The following FGF12 variants were observed in gnomAD, a reference collection of about 807,000 sequenced individuals.
The protein encoded by FGF12 is fibroblast growth factor 12, also known as fibroblast growth factor 12B.
A neutral mutation model predicts 23.6 loss-of-function variants in FGF12; 14 were observed. The ratio of observed to expected loss-of-function variants is 0.59; its 90% CI spans 0.39 to 0.93. The LOEUF (loss-of-function observed/expected upper bound fraction) is 0.93. FGF12 is among the 40% of genes least tolerant of loss of function. The probability of loss-of-function intolerance (pLI) is 0.00; values close to 1 mark genes in which losing one functional copy is unlikely to be tolerated. For missense variants in FGF12, 175 were observed against 217.8 expected (o/e 0.80, Z 1.24); for synonymous variants, 62 against 77.3 (o/e 0.80, Z 1.04).
intron 4 of FGF12, among the ~76,000 whole-genome samples, chr3:192,196,216 C>G (rs533001561): frequency 2.6e-5 from 4 of 152,164 alleles, no homozygotes; most frequent in African/African-American, 9.6e-5. Flanking sequence ...GCACTATTCA[C>G]AATAAACAAG....
chr3:192,294,911 T>C (rs191942161), intron 4 of FGF12, among the ~76,000 whole-genome samples: 3 of 152,294 alleles, frequency 2.0e-5, no homozygotes, highest in Admixed American at 2.0e-4. Context: ...AGAGGTTTGG[T>C]TTCTTGAAAC....
chr3:192,691,988 A>G (rs1380112894), intron 2 of FGF12, among the ~76,000 whole-genome samples: 1 of 152,192 alleles, frequency 6.6e-6, no homozygotes, highest in African/African-American at 2.4e-5. Context: ...TCATGAACAT[A>G]CAAATAACAC....
intron 3 of FGF12, among the ~76,000 whole-genome samples, chr3:192,359,612 T>C (rs1230977177): frequency 6.6e-6 from 1 of 152,198 alleles, no homozygotes; most frequent in Non-Finnish European, 1.5e-5. Context: ...TTGAAAGATA[T>C]GACAGCTATC....
chr3:192,315,686 G>A (rs539307159), intron 4 of FGF12, among the ~76,000 whole-genome samples: 24 of 152,212 alleles, frequency 1.6e-4, no homozygotes, highest in Middle Eastern at 3.4e-3. Flanking sequence ...TTTACATTTT[G>A]CAGACTGGGG....
chr3:192,649,864 T>C (rs1716151556), intron 2 of FGF12, among the ~76,000 whole-genome samples: 1 of 152,182 alleles, frequency 6.6e-6, no homozygotes, highest in Non-Finnish European at 1.5e-5. Context: ...TTTTAACATT[T>C]TAACTTATGA....
chr3:192,605,779 C>G lies in FGF12; in HGVS notation c.13+121402G>C, dbSNP rs1294646711. Among the ~76,000 whole-genome samples the G allele has an allele frequency of 2.0e-5, 3 of 152,164 alleles. No individual in the cohort carries two copies. In the East Asian group the frequency reaches 5.8e-4, roughly 29 times the overall value. ...CAAACATGAAAAAAATGTTCAACAT[C>G]ACTAATTATCAGAGAAATGAAAATC... On this transcript the variant is annotated intron_variant, in intron 2 of 5. Coordinates refer to ENST00000445105, the MANE Select transcript of FGF12 (RefSeq NM_004113.6).
At chr3:192,207,929 G>A (rs1221372854) in intron 4 of FGF12, among the ~76,000 whole-genome samples, 1 of 152,172 alleles carries the variant, frequency 6.6e-6, no homozygotes, top group Non-Finnish European at 1.5e-5. Flanking sequence ...AAGCTAAGCA[G>A]AGGAAAATCC....
At chr3:192,612,198 A>G (rs1428000590) in intron 2 of FGF12, among the ~76,000 whole-genome samples, 1 of 152,028 alleles carries the variant, frequency 6.6e-6, no homozygotes, top group East Asian at 1.9e-4. Context: ...TAGTGACTGG[A>G]TGAAGTATCC....
intron 2 of FGF12, among the ~76,000 whole-genome samples, chr3:192,579,397 A>G (rs1420545368): frequency 6.6e-6 from 1 of 152,194 alleles, no homozygotes; most frequent in African/African-American, 2.4e-5. Context: ...TACATTTAAG[A>G]GAGTAAAAAC....
At chr3:192,181,988 GAATAAAC>G (rs1716206572) in intron 4 of FGF12, among the ~76,000 whole-genome samples, 1 of 151,732 alleles carries the variant, frequency 6.6e-6, no homozygotes, top group Admixed American at 6.6e-5. Context: ...AGAACATAAT[GAATAAAC>G]AATAAACAGC....
At chr3:192,624,691 G>A (rs1410154700) in intron 2 of FGF12, among the ~76,000 whole-genome samples, 1 of 152,110 alleles carries the variant, frequency 6.6e-6, no homozygotes, top group South Asian at 2.1e-4. Context: ...GTAGCAAGGA[G>A]AAAGTTGCTT....
intron 4 of FGF12, among the ~76,000 whole-genome samples, chr3:192,175,994 A>T (rs1715835719): frequency 1.3e-5 from 2 of 152,150 alleles, no homozygotes; most frequent in South Asian, 4.1e-4. Context: ...GTCAGCCTCT[A>T]ACTGTGTCAG....
At chr3:192,230,643 C>A (rs1009783128) in intron 4 of FGF12, among the ~76,000 whole-genome samples, 1 of 152,114 alleles carries the variant, frequency 6.6e-6, no homozygotes, top group Non-Finnish European at 1.5e-5. Context: ...TGCTAATATT[C>A]TTGAGCACCC....
intron 2 of FGF12, among the ~76,000 whole-genome samples, chr3:192,389,972 A>T (rs1386003309): frequency 6.6e-6 from 1 of 152,258 alleles, no homozygotes; most frequent in East Asian, 1.9e-4. Context: ...GTATATAAAG[A>T]AAAAGCTGTC....
chr3:192,280,044 T>C (rs1181065603), intron 4 of FGF12, among the ~76,000 whole-genome samples: 8 of 152,218 alleles, frequency 5.3e-5, no homozygotes, highest in Admixed American at 3.9e-4. Flanking sequence ...ATCAAAAATA[T>C]GTTTTATAAC....
intron 2 of FGF12, among the ~76,000 whole-genome samples, chr3:192,453,920 T>C (rs1451157102): frequency 2.6e-5 from 4 of 152,232 alleles, no homozygotes; most frequent in East Asian, 1.9e-4. Context: ...ATGTAAATAA[T>C]ACATATTTAG....
At chr3:192,235,009 C>T (rs530456103) in intron 4 of FGF12, among the ~76,000 whole-genome samples, 1 of 151,840 alleles carries the variant, frequency 6.6e-6, no homozygotes, top group African/African-American at 2.4e-5. Flanking sequence ...TTTCTTTTTC[C>T]CTCGTGTCTC....
intron 4 of FGF12, among the ~76,000 whole-genome samples, chr3:192,274,676 A>G (rs1490833001): frequency 2.0e-5 from 3 of 152,346 alleles, no homozygotes; most frequent in East Asian, 1.9e-4. Context: ...GTTGAAGCCA[A>G]TAATATGTGA....
At position 192,279,230 on chromosome 3, in the gene FGF12, G is replaced by GTATATATATATATATATATATA. The variant is rs59504943; in HGVS notation, c.228+56109_228+56130dup. Reference sequence around the variant, plus strand: ...TAAGTCATGCTTGGTTAATGTATGAGTATATATATATATATATATATATAA... The same window carrying GTATATATATATATATATATATA: ...TAAGTCATGCTTGGTTAATGTATGAGTATATATATATATATATATATATATATATATATATATATATATATAA... On this transcript the variant is annotated intron_variant, in intron 4 of 5. Transcript: ENST00000445105. 5.1e-3 allele frequency among the ~76,000 whole-genome samples: 669 copies of GTATATATATATATATATATATA among 131,748 alleles called. 12 individuals carry two copies. Among genetic ancestry groups the GTATATATATATATATATATATA allele is most frequent in the African/African-American group, 0.019 (610 of 32,312 alleles). 86.4% of individuals were successfully genotyped at this position (131,748 alleles called of 152,430 possible).
Sources: allele counts gnomAD v4.1 joint callset (sites outside exome capture counted in the v4.1 genomes callset), GRCh38; gene constraint gnomAD v4.1.1; transcripts MANE v1.5; gene names NCBI Gene and HGNC (gene_info 2026-07-23, HGNC 2026-07-21).